The following STK32C variants were observed in gnomAD, a reference collection of about 807,000 sequenced individuals.
The protein encoded by STK32C is serine/threonine kinase 32C.
STK32C carries 31 observed loss-of-function variants against 56.5 expected under a neutral mutation model. The observed-to-expected ratio is 0.55, with a 90% CI of 0.41 to 0.74. The LOEUF is 0.74. Ranked by LOEUF, STK32C falls within the 30% of genes least tolerant of loss-of-function variation. STK32C has a pLI of 0.00. For synonymous variants in STK32C, 309 were observed against 289.4 expected (o/e 1.07, Z -0.69); for missense variants, 544 against 676.9 (o/e 0.80, Z 2.18).
At chr10:132,294,244 G>A (rs1002100184) in intron 1 of STK32C, among the ~76,000 whole-genome samples, 9 of 152,194 alleles carry the variant, frequency 5.9e-5, no homozygotes, top group African/African-American at 1.9e-4. Flanking sequence ...GATCCGCCAA[G>A]GAGGCCATGG....
At chr10:132,321,991 T>G (rs1275493404), downstream of STK32C, among the ~76,000 whole-genome samples, 1 of 151,754 alleles carries the variant, frequency 6.6e-6, no homozygotes, top group Non-Finnish European at 1.5e-5. Flanking sequence ...TGCACAGGAG[T>G]CCCCAGATGC....
chr10:132,291,554 G>C (rs549524981), intron 1 of STK32C, among the ~76,000 whole-genome samples: 7 of 152,178 alleles, frequency 4.6e-5, no homozygotes, highest in South Asian at 2.1e-4. Context: ...ATGCCAGCCC[G>C]CCCAATGGAG....
chr10:132,246,237 C>CCACACA (rs368918738), intron 1 of STK32C, among the ~76,000 whole-genome samples: 1,873 of 152,328 alleles, frequency 0.012, 39 homozygotes, highest in African/African-American at 0.043. Flanking sequence ...CAAGAATGAA[C>CCACACA]CACACACACC....
intron 1 of STK32C, among the ~76,000 whole-genome samples, chr10:132,252,131 C>T (rs892097616): frequency 5.3e-5 from 8 of 152,252 alleles, no homozygotes; most frequent in Non-Finnish European, 1.0e-4. Flanking sequence ...GCCAAGAACC[C>T]GCTAGGGACA....
intron 1 of STK32C, among the ~76,000 whole-genome samples, chr10:132,331,172 G>A (rs903968312): frequency 7.5e-6 from 1 of 132,984 alleles, no homozygotes; most frequent in Non-Finnish European, 1.5e-5. Flanking sequence ...CTGCACTCCA[G>A]CCTGGGAGAC....
intron 1 of STK32C, among the ~76,000 whole-genome samples, chr10:132,313,103 C>G (rs1177544457): frequency 6.6e-6 from 1 of 152,174 alleles, no homozygotes; most frequent in Non-Finnish European, 1.5e-5. Flanking sequence ...GATGGGAGGT[C>G]AGACGGGTCT....
chr10:132,286,122 TCTCAAAAAAAAAA>T (rs2065398181), intron 1 of STK32C, among the ~76,000 whole-genome samples: 1 of 148,132 alleles, frequency 6.8e-6, no homozygotes, highest in African/African-American at 2.5e-5. Context: ...CGAGACTCTG[TCTCAAAAAAAAAA>T]AAAGGAAAAT....
upstream of STK32C, among the ~76,000 whole-genome samples, chr10:132,311,898 G>A (rs2138429234): frequency 2.0e-5 from 3 of 152,306 alleles, no homozygotes; most frequent in Middle Eastern, 0.01. The surrounding 1 kb of genome is among the most constrained non-coding windows in gnomAD (Gnocchi z 4.4). Context: ...GTCCTTTGGT[G>A]GCAAAAGGCC....
At chr10:132,297,269 A>G (rs1250381754) in intron 1 of STK32C, among the ~76,000 whole-genome samples, 3 of 152,022 alleles carry the variant, frequency 2.0e-5, no homozygotes, top group African/African-American at 7.2e-5. Flanking sequence ...GGCCATCCCC[A>G]GCGTGTCCAG....
At chr10:132,225,956 G>T (rs548912818) in intron 4 of STK32C, among the ~76,000 whole-genome samples, 172 bp from the exon 5 acceptor site, 1 of 152,358 alleles carries the variant, frequency 6.6e-6, no homozygotes, top group South Asian at 2.1e-4. Flanking sequence ...CCCCTGCGTG[G>T]GGGCAGAGGC....
intron 1 of STK32C, among the ~76,000 whole-genome samples, chr10:132,301,532 C>T (rs561947963): frequency 1.1e-4 from 17 of 152,280 alleles, no homozygotes; most frequent in South Asian, 1.0e-3. Flanking sequence ...GCAGTGGGCT[C>T]GGGGACACAG....
chr10:132,245,994 G>A (rs1429168549), intron 1 of STK32C, 39 bp from the exon 2 acceptor site: 5 of 1,599,102 alleles, frequency 3.1e-6, no homozygotes, highest in Non-Finnish European at 4.3e-6. Flanking sequence ...TGAGGTGGCA[G>A]CAAGGCCCCA....
chr10:132,331,696 C>G (rs755951426), exon 1 of STK32C: 1 of 1,612,792 alleles, frequency 6.2e-7, no homozygotes, highest in Non-Finnish European at 8.5e-7. Context: ...AGCAGCCCCG[C>G]CCGCCCCGGG....
chr10:132,291,526 A>T (rs949378430), intron 1 of STK32C, among the ~76,000 whole-genome samples: 1 of 152,212 alleles, frequency 6.6e-6, no homozygotes, highest in Non-Finnish European at 1.5e-5. Flanking sequence ...TAGTGGGAAG[A>T]AGGGCTGTGC....
At chr10:132,281,964 C>T (rs936267439) in intron 1 of STK32C, among the ~76,000 whole-genome samples, 3 of 152,200 alleles carry the variant, frequency 2.0e-5, no homozygotes, top group African/African-American at 7.2e-5. Flanking sequence ...CCATGCTGTC[C>T]GCTGCCACTC....
chr10:132,244,254 C>G (rs1032711375), intron 2 of STK32C, among the ~76,000 whole-genome samples: 1 of 152,198 alleles, frequency 6.6e-6, no homozygotes, highest in African/African-American at 2.4e-5. Context: ...ACGACTACCC[C>G]GCATCTGAAC....
intron 2 of STK32C, among the ~76,000 whole-genome samples, chr10:132,245,205 G>A (rs985808960): frequency 6.6e-5 from 10 of 152,224 alleles, no homozygotes; most frequent in Non-Finnish European, 1.2e-4. Context: ...GCCAGGAGCA[G>A]GAGGGAGGCA....
At chr10:132,233,602 C>T (rs1257828024) in intron 2 of STK32C, among the ~76,000 whole-genome samples, 1 of 152,224 alleles carries the variant, frequency 6.6e-6, no homozygotes, top group Non-Finnish European at 1.5e-5. Context: ...CTGTAGTGGC[C>T]ATGCTGCGAT....
intron 10 of STK32C, among the ~76,000 whole-genome samples, chr10:132,209,602 G>A (rs2062224536): frequency 6.6e-6 from 1 of 152,016 alleles, no homozygotes; most frequent in Non-Finnish European, 1.5e-5. Context: ...CACCCTTACT[G>A]GTGTGTGATG....
Sources: gnomAD v4.1 joint callset for allele counts (sites outside exome capture counted in the v4.1 genomes callset) on GRCh38, gnomAD v4.1.1 for gene constraint, Gnocchi (gnomAD v3.1) non-coding constraint, MANE v1.5 for transcripts, NCBI Gene and HGNC (gene_info 2026-07-23, HGNC 2026-07-21) for gene names.